Variants in BORCS5 observed in about 807,000 individuals in gnomAD.
BORCS5 encodes BLOC-1-related complex subunit 5.
Under a neutral mutation model 22.1 loss-of-function variants are expected in BORCS5, and 17 were observed. That is an observed-to-expected ratio of 0.77 (90% CI 0.53 to 1.15). BORCS5 has a LOEUF of 1.15. Among genes scored for constraint, BORCS5 ranks in the 50% most tolerant of loss-of-function variants. The pLI is 0.00. For missense variants in BORCS5, 247 were observed against 253.2 expected (o/e 0.98, Z 0.17); for synonymous variants, 117 against 99.8 (o/e 1.17, Z -1.03).
chr12:12,389,180 C>T (rs1863947302), intron 2 of BORCS5, among the ~76,000 whole-genome samples: 1 of 147,272 alleles, frequency 6.8e-6, no homozygotes, highest in Non-Finnish European at 1.5e-5. Context: ...TCTTGTCGCC[C>T]AGGCTGGAGG....
At chr12:12,424,842 TA>T (rs1942237908) in intron 2 of BORCS5, among the ~76,000 whole-genome samples, 1 of 152,152 alleles carries the variant, frequency 6.6e-6, no homozygotes, top group Non-Finnish European at 1.5e-5. Flanking sequence ...TTCCCCTATA[TA>T]TGTGGTTGCT....
In BORCS5 at chr12:12,376,609, T is replaced by C. The variant is rs185805492; in HGVS notation, c.202+15260T>C. 2.4e-4 allele frequency among the ~76,000 whole-genome samples: 36 copies of C among 152,288 alleles called. 1 individual carries two copies. The highest frequency in any genetic ancestry group is 6.2e-4 in the South Asian group (3 of 4,828). ...TATCTTTTTATTTCAGTAAATCTTA[T>C]GTTATGTCAAAATTAATTTTTCTCA... On this transcript the variant is annotated intron_variant, in intron 2 of 3. Transcript: ENST00000314565.
rs1015428009 is a variant in BORCS5, at chr12:12,466,126, T to C, written c.*350T>C. ...CAGTCCAGGTACCGGAATAAAAATATGGAGACAAGGGGAAAATATTTTACG... is the reference window on the plus strand; with the variant it reads ...CAGTCCAGGTACCGGAATAAAAATACGGAGACAAGGGGAAAATATTTTACG... On this transcript the variant is annotated 3_prime_UTR_variant, in exon 4 of 4. Coordinates refer to ENST00000314565, the MANE Select transcript of BORCS5 (RefSeq NM_058169.6). 6 of 195,910 alleles carry C rather than the reference T, an allele frequency of 3.1e-5. No individual in the cohort carries two copies. The highest frequency in any genetic ancestry group is 1.7e-4 in the Admixed American group (3 of 17,400). 12.1% of individuals were successfully genotyped at this position (195,910 alleles called of 1,614,324 possible).
intron 3 of BORCS5, among the ~76,000 whole-genome samples, chr12:12,457,601 C>T (rs1024421318): frequency 6.6e-6 from 1 of 152,092 alleles, no homozygotes; most frequent in Admixed American, 6.5e-5. Flanking sequence ...CCCCGGGGGG[C>T]AGAGCCTGCA....
chr12:12,417,966 T>TTA (rs1942011696), intron 2 of BORCS5, among the ~76,000 whole-genome samples: 1 of 151,160 alleles, frequency 6.6e-6, no homozygotes, highest in Admixed American at 6.6e-5. Context: ...TCTTTTTTTT[T>TTA]ATCTTCTTGC....
intron 2 of BORCS5, among the ~76,000 whole-genome samples, chr12:12,379,064 A>G (rs1161826170): frequency 6.6e-6 from 1 of 150,728 alleles, no homozygotes; most frequent in Non-Finnish European, 1.5e-5. Flanking sequence ...CTGGAATCCT[A>G]TACTTTATGC....
chr12:12,455,325 TC>T (rs1426828424), intron 3 of BORCS5, among the ~76,000 whole-genome samples: 1 of 152,160 alleles, frequency 6.6e-6, no homozygotes, highest in Non-Finnish European at 1.5e-5. Context: ...TAAACTGACA[TC>T]CTTGGGGAAC....
intron 2 of BORCS5, among the ~76,000 whole-genome samples, chr12:12,407,730 G>A (rs1485622203): frequency 7.0e-6 from 1 of 142,246 alleles, no homozygotes; most frequent in African/African-American, 2.7e-5. Context: ...TTTTGAGACA[G>A]GGCCTCACGC....
At chr12:12,376,152 G>T (rs185776814) in intron 2 of BORCS5, among the ~76,000 whole-genome samples, 5 of 151,856 alleles carry the variant, frequency 3.3e-5, no homozygotes, top group Admixed American at 3.3e-4. Context: ...GTGTCAGTAA[G>T]TAAATATTTA....
intron 2 of BORCS5, among the ~76,000 whole-genome samples, chr12:12,370,630 G>A (rs2080519): frequency 0.15 from 22,540 of 152,086 alleles, 4,036 homozygotes; most frequent in African/African-American, 0.43. Context: ...ATCAGTGCGG[G>A]AACAGTCAGC....
intron 3 of BORCS5, among the ~76,000 whole-genome samples, chr12:12,438,856 T>C (rs1451706529): frequency 6.6e-6 from 1 of 152,222 alleles, no homozygotes; most frequent in Non-Finnish European, 1.5e-5. Context: ...TTTTAAAAAA[T>C]AACTTTTAAA....
intron 2 of BORCS5, among the ~76,000 whole-genome samples, chr12:12,375,444 A>G (rs1863628110): frequency 6.6e-6 from 1 of 152,144 alleles, no homozygotes; most frequent in Non-Finnish European, 1.5e-5. Flanking sequence ...GGCAACATAG[A>G]CCTCATTTCT....
rs1555156048 is a variant in BORCS5, at chr12:12,438,385, A to AAAAAAAAAAAAACAC, written c.360+2602_360+2603insAAAAAAAAAACACAA. Among the ~76,000 whole-genome samples, 139 of 126,114 alleles carry AAAAAAAAAAAAACAC rather than the reference A, an allele frequency of 1.1e-3. 5 individuals are homozygous for AAAAAAAAAAAAACAC. The highest frequency in any genetic ancestry group is 4.2e-3 in the African/African-American group (128 of 30,544). The allele number at this position is 126,114 out of a possible 152,430, so 82.7% of individuals were successfully genotyped here. A position where few individuals can be genotyped will look rare whatever the true frequency, so the allele number is the denominator to read the frequency against. On this transcript the variant is annotated intron_variant, in intron 3 of 3. Transcript: ENST00000314565. ...CAAAAAAAAAAAAAAAAAAAACGAA[A>AAAAAAAAAAAAACAC]AACAACAACAAAAACCTCTAATCCA...
At chr12:12,373,235 T>C (rs74379692) in intron 2 of BORCS5, among the ~76,000 whole-genome samples, 3,757 of 152,214 alleles carry the variant, frequency 0.025, 168 homozygotes, top group African/African-American at 0.085. Context: ...TCACCAAATA[T>C]CCAATGTGCT....
At chr12:12,464,231 C>G (rs1309225884) in intron 3 of BORCS5, among the ~76,000 whole-genome samples, 2 of 151,906 alleles carry the variant, frequency 1.3e-5, no homozygotes, top group Admixed American at 6.5e-5. Context: ...CTCCTTCTCC[C>G]CGTGCCCAAC....
At chr12:12,426,406 T>C (rs921709512) in intron 2 of BORCS5, among the ~76,000 whole-genome samples, 2 of 152,216 alleles carry the variant, frequency 1.3e-5, no homozygotes, top group African/African-American at 4.8e-5. Context: ...GAAATGCTAA[T>C]TTTATAGCAG....
intron 3 of BORCS5, among the ~76,000 whole-genome samples, chr12:12,463,031 A>G (rs1265504352): frequency 2.0e-5 from 3 of 152,202 alleles, no homozygotes; most frequent in East Asian, 1.9e-4. Context: ...CCAGAAGACA[A>G]TTAGTATATA....
chr12:12,465,849 A>G lies in BORCS5; in HGVS notation c.*73A>G. Reference sequence around the variant, plus strand: ...TGAGGACGTGTGGAGCTAAGGTCATATCATCTGACCAGGTCTGGAGGCTGG... The same window carrying G: ...TGAGGACGTGTGGAGCTAAGGTCATGTCATCTGACCAGGTCTGGAGGCTGG... On this transcript the variant is annotated 3_prime_UTR_variant, in exon 4 of 4. Coordinates refer to ENST00000314565, the MANE Select transcript of BORCS5 (RefSeq NM_058169.6). 1 of 1,329,898 alleles carries G rather than the reference A, an allele frequency of 7.5e-7. No individual in the cohort carries two copies. The highest frequency in any genetic ancestry group is 1.0e-6 in the Non-Finnish European group (1 of 963,200). 82.4% of individuals were successfully genotyped at this position (1,329,898 alleles called of 1,614,324 possible).
chr12:12,452,563 G>A, intron 3 of BORCS5: 1 of 347,698 alleles, frequency 2.9e-6, no homozygotes. Flanking sequence ...GATCTTGCCG[G>A]CGATCCTTCC....
Sources: allele counts gnomAD v4.1 joint callset (sites outside exome capture counted in the v4.1 genomes callset), GRCh38; gene constraint gnomAD v4.1.1; transcripts MANE v1.5; gene names NCBI Gene and HGNC (gene_info 2026-07-23, HGNC 2026-07-21).